WWTR1: variants seen among roughly 807,000 people sequenced by gnomAD.
The protein encoded by WWTR1 is WW domain-containing transcription regulator protein 1.
In WWTR1, 13 loss-of-function variants were observed where a neutral mutation model predicts 40.1. The observed-to-expected ratio is 0.32, with a 90% CI of 0.21 to 0.52. WWTR1 has a LOEUF of 0.52. Ranked by LOEUF, WWTR1 falls within the 20% of genes least tolerant of loss-of-function variation. The probability of loss-of-function intolerance (pLI) is 0.97; values close to 1 mark genes in which losing one functional copy is unlikely to be tolerated. For synonymous variants in WWTR1, 230 were observed against 210.1 expected (o/e 1.09, Z -0.82); for missense variants, 436 against 523.1 (o/e 0.83, Z 1.63).
chr3:149,701,188 T>C (rs1257917821), intron 1 of WWTR1, among the ~76,000 whole-genome samples: 1 of 152,202 alleles, frequency 6.6e-6, no homozygotes, highest in Admixed American at 6.5e-5. Context: ...ATAATTTAAA[T>C]CTAATTTAAT....
intron 4 of WWTR1, among the ~76,000 whole-genome samples, chr3:149,719,192 C>T (rs564666895): frequency 6.9e-6 from 1 of 145,102 alleles, no homozygotes; most frequent in South Asian, 2.2e-4. Context: ...TTTTTGAGAC[C>T]GAGTCTCACT....
At position 149,595,904 on chromosome 3, in the gene WWTR1, G is replaced by A. The variant is rs182562742; in HGVS notation, c.432-22904C>T. 9.2e-5 allele frequency among the ~76,000 whole-genome samples: 14 copies of A among 152,088 alleles called. No homozygotes were observed. The South Asian group carries it at 1.2e-3, about 14-fold the overall frequency. ...AAAATTACCCCAGGCATGGTGGCACGCACCTGTAATCCCAGCTACTCGGGA... is the reference window on the plus strand; with the variant it reads ...AAAATTACCCCAGGCATGGTGGCACACACCTGTAATCCCAGCTACTCGGGA... On this transcript the variant is annotated intron_variant, in intron 2 of 6. Transcript: ENST00000360632.
At chr3:149,665,187 A>T (rs1713759718) in intron 2 of WWTR1, among the ~76,000 whole-genome samples, 1 of 151,678 alleles carries the variant, frequency 6.6e-6, no homozygotes, top group East Asian at 1.9e-4. Flanking sequence ...TCATTGCACC[A>T]TGATCTATAA....
intron 2 of WWTR1, among the ~76,000 whole-genome samples, chr3:149,634,982 G>A (rs1343030307): frequency 6.6e-6 from 1 of 152,240 alleles, no homozygotes; most frequent in Non-Finnish European, 1.5e-5. Flanking sequence ...GAAGACTAAA[G>A]AGGAGAGGAG....
At chr3:149,598,845 C>A (rs1739116618) in intron 2 of WWTR1, among the ~76,000 whole-genome samples, 1 of 151,996 alleles carries the variant, frequency 6.6e-6, no homozygotes, top group Non-Finnish European at 1.5e-5. Context: ...AGGCTAGAGC[C>A]CCAGAATCAG....
intron 2 of WWTR1, among the ~76,000 whole-genome samples, chr3:149,641,817 C>T (rs1712186205): frequency 2.0e-5 from 3 of 152,152 alleles, no homozygotes; most frequent in African/African-American, 7.2e-5. Context: ...ACAATGTTTC[C>T]ACTGTGTACC....
chr3:149,631,624 T>C (rs940035952), intron 2 of WWTR1, among the ~76,000 whole-genome samples: 4 of 152,170 alleles, frequency 2.6e-5, no homozygotes, highest in Non-Finnish European at 4.4e-5. Context: ...CCTCCTTGCC[T>C]ATCCCACAAA....
At chr3:149,544,025 C>G (rs1254836847) in intron 3 of WWTR1, among the ~76,000 whole-genome samples, 1 of 151,782 alleles carries the variant, frequency 6.6e-6, no homozygotes, top group Non-Finnish European at 1.5e-5. Flanking sequence ...ACCTTGGCCT[C>G]CCAAAGTGCT....
chr3:149,680,574 AAAC>A (rs1430357624), intron 1 of WWTR1, among the ~76,000 whole-genome samples: 1 of 137,500 alleles, frequency 7.3e-6, no homozygotes, highest in African/African-American at 2.8e-5. Flanking sequence ...ACAAACAAAC[AAAC>A]AAAAAAACGT....
At chr3:149,558,709 G>A (rs1027046745) in intron 3 of WWTR1, among the ~76,000 whole-genome samples, 38 of 152,150 alleles carry the variant, frequency 2.5e-4, no homozygotes, top group African/African-American at 7.5e-4. Context: ...AAGAAATGCC[G>A]GACAAATCCA....
chr3:149,539,959 G>A (rs986302946), intron 4 of WWTR1, among the ~76,000 whole-genome samples: 11 of 151,912 alleles, frequency 7.2e-5, no homozygotes, highest in Non-Finnish European at 8.8e-5. Flanking sequence ...GCTTCTGCAT[G>A]GGGAAAAAAT....
intron 3 of WWTR1, among the ~76,000 whole-genome samples, chr3:149,547,681 GAA>G (rs1223550811): frequency 6.6e-6 from 1 of 152,112 alleles, no homozygotes; most frequent in Non-Finnish European, 1.5e-5. Flanking sequence ...AACCCAAACA[GAA>G]GATTTCTCCA....
intron 6 of WWTR1, 45 bp downstream of exon 6, chr3:149,525,968 A>G (rs763873343): frequency 8.5e-7 from 1 of 1,178,638 alleles, no homozygotes; most frequent in Non-Finnish European, 1.2e-6. Context: ...GAGATCATTT[A>G]AAAAACACAA....
rs537666843 is a variant in WWTR1, at chr3:149,669,852, G to A, written c.-68C>T. On this transcript the variant is annotated 5_prime_UTR_variant, in exon 2 of 8. Coordinates refer to the WWTR1 transcript ENST00000465804. ...AGATCCACCAGGAAGCAGATGCCAA[G>A]ATAAGAGTCAGATGAGCAGAGATGT... is the stretch of plus-strand genomic sequence containing the variant. 3 of 152,376 alleles carry A rather than the reference G, an allele frequency of 2.0e-5. No homozygotes were observed. In the East Asian group the frequency reaches 5.8e-4, roughly 29 times the overall value. 9.4% of individuals were successfully genotyped at this position (152,376 alleles called of 1,614,324 possible). A position where few individuals can be genotyped will look rare whatever the true frequency, so the allele number is the denominator to read the frequency against.
At chr3:149,682,630 T>A (rs1714497033) in intron 1 of WWTR1, among the ~76,000 whole-genome samples, 1 of 152,182 alleles carries the variant, frequency 6.6e-6, no homozygotes, top group African/African-American at 2.4e-5. Context: ...TAAGCCTAAA[T>A]TTCAAATGAT....
At chr3:149,608,036 T>C (rs2108062246) in intron 2 of WWTR1, among the ~76,000 whole-genome samples, 2 of 152,300 alleles carry the variant, frequency 1.3e-5, no homozygotes, top group East Asian at 3.9e-4. Context: ...TGGTAGGTAC[T>C]CAAGAACTAT....
intron 2 of WWTR1, among the ~76,000 whole-genome samples, chr3:149,630,119 T>C (rs1346882580): frequency 6.6e-6 from 1 of 152,188 alleles, no homozygotes; most frequent in Non-Finnish European, 1.5e-5. Flanking sequence ...GTGCTGGGAT[T>C]ACAGGTGTGA....
intron 1 of WWTR1, among the ~76,000 whole-genome samples, chr3:149,672,550 A>G (rs1268108500): frequency 6.6e-6 from 1 of 152,190 alleles, no homozygotes; most frequent in Non-Finnish European, 1.5e-5. Flanking sequence ...TGGTGTAAAA[A>G]TATCAAAGTG....
intron 2 of WWTR1, among the ~76,000 whole-genome samples, chr3:149,622,701 A>AAAACC (rs1250802944): frequency 6.6e-6 from 1 of 152,066 alleles, no homozygotes; most frequent in Non-Finnish European, 1.5e-5. Flanking sequence ...AACCAAAACC[A>AAAACC]AAACCAAACC....
Sources: gnomAD v4.1 joint callset for allele counts (sites outside exome capture counted in the v4.1 genomes callset) on GRCh38, gnomAD v4.1.1 for gene constraint, MANE v1.5 for transcripts, NCBI Gene and HGNC (gene_info 2026-07-23, HGNC 2026-07-21) for gene names.